ATP8B4: variants seen among roughly 807,000 people sequenced by gnomAD.
ATP8B4 encodes the protein probable phospholipid-transporting ATPase IM.
A neutral mutation model predicts 145.6 loss-of-function variants in ATP8B4; 133 were observed. The observed-to-expected ratio is 0.91, with a 90% CI of 0.79 to 1.05. The LOEUF (loss-of-function observed/expected upper bound fraction) is 1.05, where lower values mean the gene tolerates loss of function less well. Among genes scored for constraint, ATP8B4 ranks in the 50% least tolerant of loss-of-function variants. The probability of loss-of-function intolerance (pLI) is 0.00; values close to 1 mark genes in which losing one functional copy is unlikely to be tolerated. For missense variants in ATP8B4, 1,458 were observed against 1,425.2 expected (o/e 1.02, Z -0.37); for synonymous variants, 507 against 492.9 (o/e 1.03, Z -0.38).
intron 25 of ATP8B4, among the ~76,000 whole-genome samples, chr15:49,869,158 C>A (rs11070733): frequency 1.3e-5 from 2 of 151,904 alleles, no homozygotes; most frequent in African/African-American, 4.8e-5. Context: ...GTAATCCGCC[C>A]GCCTCGGCCT....
rs190177821 is a variant in ATP8B4 at position 49,927,996 on chromosome 15, A to G, written c.1642+3123T>C. ...TGTTACGTATAAACACTTTTTAAAT[A>G]GTAAGAAATTGATTAAATACCATGA... On this transcript the variant is annotated intron_variant, in intron 16 of 27. Transcript: ENST00000284509. Among the ~76,000 whole-genome samples, 63 of 152,322 alleles carry G rather than the reference A, an allele frequency of 4.1e-4. 2 individuals are homozygous for G. The highest frequency in any genetic ancestry group is 1.4e-3 in the African/African-American group (60 of 41,578).
chr15:49,988,696 C>T (rs564417479), intron 9 of ATP8B4, among the ~76,000 whole-genome samples: 96 of 152,242 alleles, frequency 6.3e-4, no homozygotes, highest in Non-Finnish European at 1.2e-3. Flanking sequence ...AGAAAGGGGA[C>T]CACGTCAGCC....
chr15:49,928,925 T>C (rs943834686), intron 16 of ATP8B4, among the ~76,000 whole-genome samples: 2 of 152,028 alleles, frequency 1.3e-5, no homozygotes, highest in African/African-American at 4.8e-5. Context: ...GATCTATTAG[T>C]CTAGAGAAGT....
intron 23 of ATP8B4, chr15:49,895,988 A>C (rs548985386): frequency 6.6e-6 from 1 of 152,350 alleles, no homozygotes; most frequent in African/African-American, 2.4e-5. Context: ...ACCCGTTAGC[A>C]GATGGTCTTG....
intron 6 of ATP8B4, among the ~76,000 whole-genome samples, chr15:50,030,391 A>G (rs1046981635): frequency 5.3e-5 from 8 of 152,162 alleles, no homozygotes; most frequent in Non-Finnish European, 8.8e-5. Context: ...GCTGCAATAG[A>G]TTTGAGTTCA....
At chr15:50,140,889 T>A (rs1315025966) in intron 1 of ATP8B4, among the ~76,000 whole-genome samples, 3 of 152,166 alleles carry the variant, frequency 2.0e-5, no homozygotes, top group African/African-American at 4.8e-5. Flanking sequence ...CTAAGGTGAT[T>A]GTAATGTGCA....
intron 8 of ATP8B4, among the ~76,000 whole-genome samples, chr15:50,000,486 G>A (rs2047796301): frequency 6.6e-6 from 1 of 152,108 alleles, no homozygotes; most frequent in African/African-American, 2.4e-5. Flanking sequence ...TTTGCCATTT[G>A]TACGTCCTCT....
intron 18 of ATP8B4, among the ~76,000 whole-genome samples, chr15:49,919,713 G>A (rs990127881): frequency 3.9e-5 from 6 of 152,064 alleles, no homozygotes; most frequent in African/African-American, 1.4e-4. Flanking sequence ...CACCGCGCCC[G>A]GCCACGATTT....
Position 50,072,639 on chromosome 15 carries a change from C to T in ATP8B4, c.87+1488G>A, listed in dbSNP as rs181516633. 9.3e-5 allele frequency among the ~76,000 whole-genome samples: 14 copies of T among 151,038 alleles called. No individual in the cohort carries two copies. The East Asian group carries it at 2.0e-3, about 21-fold the overall frequency. On this transcript the variant is annotated intron_variant, in intron 3 of 27. Coordinates refer to ENST00000284509, the MANE Select transcript of ATP8B4 (RefSeq NM_024837.4). ...TTTATCTTTTGTTTTTTTTTCCTTTCGAGATGGAGTCTCCCTCTGTCACCC... is the reference window on the plus strand; with the variant it reads ...TTTATCTTTTGTTTTTTTTTCCTTTTGAGATGGAGTCTCCCTCTGTCACCC...
intron 1 of ATP8B4, among the ~76,000 whole-genome samples, chr15:50,144,439 T>C (rs2044250328): frequency 6.6e-6 from 1 of 152,142 alleles, no homozygotes. Context: ...TCAGGAAACT[T>C]ACAATCATGG....
At chr15:49,926,332 A>G (rs1444229217) in intron 16 of ATP8B4, among the ~76,000 whole-genome samples, 1 of 152,158 alleles carries the variant, frequency 6.6e-6, no homozygotes, top group Non-Finnish European at 1.5e-5. Flanking sequence ...TCAGAAATCT[A>G]GGCATCACTC....
At chr15:49,880,902 G>A (rs1034826273) in intron 23 of ATP8B4, among the ~76,000 whole-genome samples, 4 of 151,686 alleles carry the variant, frequency 2.6e-5, no homozygotes, top group African/African-American at 4.8e-5. Flanking sequence ...CATGAGGTCA[G>A]GAGATCAAGA....
chr15:50,173,973 G>GC (rs1436084435), intron 1 of ATP8B4, among the ~76,000 whole-genome samples: 1 of 152,200 alleles, frequency 6.6e-6, no homozygotes, highest in Admixed American at 6.5e-5. Context: ...TACCGGGGAT[G>GC]CAGGGATGGT....
intron 10 of ATP8B4, among the ~76,000 whole-genome samples, chr15:49,981,660 C>T (rs1051685332): frequency 1.3e-5 from 2 of 152,076 alleles, no homozygotes; most frequent in Admixed American, 1.3e-4. Context: ...AATAATGCAG[C>T]AACAAACACA....
chr15:50,086,429 A>G (rs1336408889), intron 2 of ATP8B4, among the ~76,000 whole-genome samples: 2,236 of 19,050 alleles, frequency 0.12, 841 homozygotes, highest in South Asian at 0.28. Context: ...ATAGAGATCT[A>G]TAATTATATA....
At chr15:50,139,591 C>G (rs529863390) in intron 1 of ATP8B4, among the ~76,000 whole-genome samples, 18 of 152,232 alleles carry the variant, frequency 1.2e-4, no homozygotes, top group African/African-American at 4.3e-4. Context: ...TATCCCAGAA[C>G]TTAAAGTAAA....
chr15:49,913,986 T>G (rs1020750039), intron 20 of ATP8B4, among the ~76,000 whole-genome samples: 2 of 152,044 alleles, frequency 1.3e-5, no homozygotes, highest in Non-Finnish European at 2.9e-5. Context: ...TTCCTAACAT[T>G]CATATGGAAC....
chr15:50,082,426 G>C (rs2054614205), intron 2 of ATP8B4, among the ~76,000 whole-genome samples: 1 of 152,166 alleles, frequency 6.6e-6, no homozygotes, highest in Admixed American at 6.5e-5. Flanking sequence ...AAGAGAGCTT[G>C]GAAACAAAGT....
chr15:49,998,346 A>C (rs2047595729), intron 8 of ATP8B4, among the ~76,000 whole-genome samples: 1 of 152,226 alleles, frequency 6.6e-6, no homozygotes, highest in South Asian at 2.1e-4. Context: ...ACTAGTTTAC[A>C]GTCCCACCAA....
Sources: gnomAD v4.1 joint callset for allele counts (sites outside exome capture counted in the v4.1 genomes callset) on GRCh38, gnomAD v4.1.1 for gene constraint, MANE v1.5 for transcripts, NCBI Gene and HGNC (gene_info 2026-07-23, HGNC 2026-07-21) for gene names.